The following DOCK1 variants were observed in gnomAD, a reference collection of about 807,000 sequenced individuals.
The protein encoded by DOCK1 is dedicator of cytokinesis protein 1.
DOCK1 carries 138 observed loss-of-function variants against 262.7 expected under a neutral mutation model. That is an observed-to-expected ratio of 0.53 (90% CI 0.46 to 0.61). The LOEUF is 0.61. Ranked by LOEUF, DOCK1 falls within the 20% of genes least tolerant of loss-of-function variation. The probability of loss-of-function intolerance (pLI) is 0.00; values close to 1 mark genes in which losing one functional copy is unlikely to be tolerated. For synonymous variants in DOCK1, 866 were observed against 867.4 expected (o/e 1.00, Z 0.03); for missense variants, 1,908 against 2,370.7 (o/e 0.80, Z 4.05).
chr10:127,019,241 G>C (rs537524192), intron 13 of DOCK1, among the ~76,000 whole-genome samples: 2 of 152,312 alleles, frequency 1.3e-5, no homozygotes, highest in South Asian at 4.1e-4. Context: ...GCTAGTGTAC[G>C]TTATACTGGC....
chr10:127,429,112 G>A (rs1371349843), intron 47 of DOCK1, among the ~76,000 whole-genome samples: 1 of 152,030 alleles, frequency 6.6e-6, no homozygotes, highest in African/African-American at 2.4e-5. Flanking sequence ...GGGATGCTGT[G>A]TGTCCTTGGT....
chr10:127,144,154 ACT>A (rs761108886), intron 27 of DOCK1, among the ~76,000 whole-genome samples: 3 of 151,584 alleles, frequency 2.0e-5, no homozygotes, highest in Admixed American at 6.6e-5. Flanking sequence ...AGTCTCCCTC[ACT>A]CTCTGTATTC....
intron 29 of DOCK1, among the ~76,000 whole-genome samples, chr10:127,279,759 G>C (rs2060875429): frequency 6.6e-6 from 1 of 152,092 alleles, no homozygotes; most frequent in Non-Finnish European, 1.5e-5. Context: ...GGAAAAGGTG[G>C]CAGTTCAGTT....
In DOCK1 at chr10:127,175,466, C is replaced by A. The variant is rs373397161; in HGVS notation, c.2847+47702C>A. On this transcript the variant is annotated intron_variant, in intron 27 of 51. Coordinates refer to ENST00000623213, the MANE Select transcript of DOCK1 (RefSeq NM_001290223.2). The surrounding 1 kb of genome is among the most constrained non-coding windows in gnomAD (Gnocchi z 6.3). ...TACATTCGGGGGACAGGCACTGCAT[C>A]GGGGGTGAGCAGGCCAGGGCAGTTT... The A allele has an allele frequency of 6.2e-7, 1 of 1,610,226 alleles. No homozygotes were observed. The highest frequency in any genetic ancestry group is 8.5e-7 in the Non-Finnish European group (1 of 1,180,008).
At chr10:127,131,572 A>G (rs964191018) in intron 27 of DOCK1, among the ~76,000 whole-genome samples, 8 of 152,194 alleles carry the variant, frequency 5.3e-5, no homozygotes, top group East Asian at 1.9e-4. Flanking sequence ...CCCTCTCTGG[A>G]GTCAACAGAG....
chr10:127,391,510 G>C (rs2066477492), intron 38 of DOCK1, among the ~76,000 whole-genome samples: 2 of 152,152 alleles, frequency 1.3e-5, no homozygotes, highest in South Asian at 4.2e-4. Flanking sequence ...GTTTTCATTT[G>C]TGCTTTGGAT....
chr10:127,387,556 T>C (rs899584307), intron 38 of DOCK1, among the ~76,000 whole-genome samples: 1 of 152,170 alleles, frequency 6.6e-6, no homozygotes, highest in Non-Finnish European at 1.5e-5. Context: ...TCCTCTTTTC[T>C]CCTTTATGGC....
At position 127,216,904 on chromosome 10, in the gene DOCK1, C is replaced by T. The variant is rs374471232; in HGVS notation, c.2848-31104C>T. 9.2e-5 allele frequency among the ~76,000 whole-genome samples: 14 copies of T among 152,226 alleles called. 1 individual carries two copies. In the South Asian group the frequency reaches 2.9e-3, roughly 32 times the overall value. Reference sequence around the variant, plus strand: ...TTTTCTTTTTGTGGTGAGTACATGTCGTGGGCAGTGCATGGGGCCTGTCAC... The same window carrying T: ...TTTTCTTTTTGTGGTGAGTACATGTTGTGGGCAGTGCATGGGGCCTGTCAC... On this transcript the variant is annotated intron_variant, in intron 27 of 51. Transcript: ENST00000623213.
chr10:127,409,009 G>A (rs1192596943), intron 40 of DOCK1, 28 bp from the exon 41 acceptor site: 71 of 1,564,860 alleles, frequency 4.5e-5, no homozygotes, highest in Non-Finnish European at 6.0e-5. Flanking sequence ...TCTCTGTGGT[G>A]TTATGAAATG....
chr10:127,138,759 C>G (rs1013351846), intron 27 of DOCK1, among the ~76,000 whole-genome samples: 3 of 152,198 alleles, frequency 2.0e-5, no homozygotes, highest in Admixed American at 1.3e-4. Context: ...ATTTGCCAAG[C>G]AGTGATAATG....
chr10:127,077,208 A>G (rs2046616840), intron 23 of DOCK1, among the ~76,000 whole-genome samples: 1 of 152,072 alleles, frequency 6.6e-6, no homozygotes, highest in South Asian at 2.1e-4. Flanking sequence ...CAACCTGGCC[A>G]ACATGGTGAA....
intron 47 of DOCK1, among the ~76,000 whole-genome samples, chr10:127,426,583 G>A (rs890280592): frequency 2.0e-5 from 3 of 152,196 alleles, no homozygotes; most frequent in African/African-American, 7.2e-5. Context: ...CAGGGGAGGA[G>A]ATCAAGAAGA....
Position 127,127,747 on chromosome 10 carries a change from C to T in DOCK1, c.2830C>T (p.Arg944Ter), listed in dbSNP as rs1364506709. The T allele has an allele frequency of 1.8e-5, 29 of 1,612,894 alleles. No homozygotes were observed. Among genetic ancestry groups the T allele is most frequent in the East Asian group, 2.2e-5 (1 of 44,856 alleles). ...TVNRTVISMG[R>*]DSELIGNFVA... ...GAACCGAACCGTCATTTCCATGGGA[C>T]GAGATTCTGAACTCATTGTAAGTGC... The change falls in exon 27 of 52, where the codon CGA becomes TGA. Residue 944 changes from arginine to a stop codon, truncating the protein, a stop_gained. Transcript: ENST00000623213. LOFTEE classifies it high-confidence loss of function.
intron 27 of DOCK1, among the ~76,000 whole-genome samples, chr10:127,167,623 A>G (rs1442214160): frequency 1.3e-5 from 2 of 152,070 alleles, no homozygotes; most frequent in African/African-American, 2.4e-5. Flanking sequence ...CTCTCCTCTC[A>G]TTTGGACCAT....
intron 25 of DOCK1, among the ~76,000 whole-genome samples, chr10:127,121,591 A>T (rs2133030712): frequency 6.6e-6 from 1 of 152,142 alleles, no homozygotes; most frequent in African/African-American, 2.4e-5. Context: ...TAAAACGTGT[A>T]CTCCCACCAC....
intron 32 of DOCK1, among the ~76,000 whole-genome samples, chr10:127,354,960 CTTGTG>C (rs1335267002): frequency 3.3e-5 from 5 of 152,238 alleles, no homozygotes; most frequent in South Asian, 2.1e-4. Flanking sequence ...AGAGCACCCT[CTTGTG>C]TTGTGTGGAC....
chr10:127,391,672 T>A (rs1343363527), intron 38 of DOCK1, among the ~76,000 whole-genome samples: 1 of 152,060 alleles, frequency 6.6e-6, no homozygotes, highest in Non-Finnish European at 1.5e-5. Flanking sequence ...CTTGACCCAC[T>A]TCTACCTGGG....
At chr10:126,941,732 G>A (rs1212824057) in intron 1 of DOCK1, among the ~76,000 whole-genome samples, 1 of 151,670 alleles carries the variant, frequency 6.6e-6, no homozygotes, top group Non-Finnish European at 1.5e-5. Context: ...TCCAGCCTGG[G>A]CGACAGTGCG....
intron 47 of DOCK1, among the ~76,000 whole-genome samples, chr10:127,426,700 T>C (rs1442022365): frequency 3.3e-5 from 5 of 151,524 alleles, no homozygotes; most frequent in Non-Finnish European, 5.9e-5. Context: ...GAAGAGAAAA[T>C]TCAGAGCGGA....
Sources: allele counts gnomAD v4.1 joint callset (sites outside exome capture counted in the v4.1 genomes callset), GRCh38; gene constraint gnomAD v4.1.1; non-coding constraint Gnocchi (gnomAD v3.1); transcripts MANE v1.5; gene names NCBI Gene and HGNC (gene_info 2026-07-23, HGNC 2026-07-21).